KCNQ5: variants seen among roughly 807,000 people sequenced by gnomAD.
The protein encoded by KCNQ5 is potassium voltage-gated channel subfamily KQT member 5.
KCNQ5 carries 30 observed loss-of-function variants against 98.2 expected under a neutral mutation model. The observed-to-expected ratio is 0.31, with a 90% confidence interval of 0.23 to 0.41. The LOEUF (loss-of-function observed/expected upper bound fraction) is 0.41, where lower values mean the gene tolerates loss of function less well. Among genes scored for constraint, KCNQ5 ranks in the 10% least tolerant of loss-of-function variants. The pLI is 1.00. For synonymous variants in KCNQ5, 458 were observed against 449.4 expected (o/e 1.02, Z -0.24); for missense variants, 835 against 1,182.5 (o/e 0.71, Z 4.31).
At chr6:72,912,091 T>C (rs911493455) in intron 1 of KCNQ5, among the ~76,000 whole-genome samples, 1 of 152,160 alleles carries the variant, frequency 6.6e-6, no homozygotes, top group African/African-American at 2.4e-5. Context: ...AGCAAGCAGA[T>C]TCATACCTGA....
chr6:72,817,763 G>A (rs9442854), intron 1 of KCNQ5, among the ~76,000 whole-genome samples: 27,399 of 151,786 alleles, frequency 0.18, 4,848 homozygotes, highest in African/African-American at 0.46. Context: ...GCGTGGTGGC[G>A]CGTGCCTGTA....
At chr6:72,877,370 C>T (rs550538025) in intron 1 of KCNQ5, among the ~76,000 whole-genome samples, 3 of 152,262 alleles carry the variant, frequency 2.0e-5, no homozygotes, top group Admixed American at 2.0e-4. Flanking sequence ...CAGCTTCATC[C>T]ATGTCCCTGC....
chr6:72,755,917 C>A (rs1457704026), intron 1 of KCNQ5, among the ~76,000 whole-genome samples: 1 of 152,144 alleles, frequency 6.6e-6, no homozygotes, highest in Non-Finnish European at 1.5e-5. Flanking sequence ...TGTCCTCCAG[C>A]AGCAGGCAGT....
chr6:72,717,960 G>A (rs1163215587), intron 1 of KCNQ5, among the ~76,000 whole-genome samples: 8 of 152,036 alleles, frequency 5.3e-5, no homozygotes, highest in Non-Finnish European at 8.8e-5. Context: ...AGTCTTCCAC[G>A]GTATGACCTC....
At chr6:73,098,523 CGT>C (rs1774620063) in intron 5 of KCNQ5, among the ~76,000 whole-genome samples, 1 of 152,132 alleles carries the variant, frequency 6.6e-6, no homozygotes, top group African/African-American at 2.4e-5. Flanking sequence ...AAATAAATAA[CGT>C]GCAATGGAGC....
At chr6:72,830,337 T>G (rs1045560483) in intron 1 of KCNQ5, among the ~76,000 whole-genome samples, 1 of 152,142 alleles carries the variant, frequency 6.6e-6, no homozygotes, top group African/African-American at 2.4e-5. Flanking sequence ...CAAACTATAC[T>G]ACAAGGCTAC....
chr6:73,012,270 A>G (rs1043106428), intron 2 of KCNQ5, among the ~76,000 whole-genome samples: 1 of 152,106 alleles, frequency 6.6e-6, no homozygotes, highest in Non-Finnish European at 1.5e-5. Flanking sequence ...ACATACAAAA[A>G]AAGTATTCAC....
intron 1 of KCNQ5, among the ~76,000 whole-genome samples, chr6:72,859,622 C>A (rs1365514662): frequency 6.9e-6 from 1 of 145,910 alleles, no homozygotes; most frequent in African/African-American, 2.5e-5. Context: ...TGTCTGTCGC[C>A]CAGGCTGAAG....
chr6:73,086,154 C>T (rs1773981493), intron 5 of KCNQ5, among the ~76,000 whole-genome samples: 1 of 152,088 alleles, frequency 6.6e-6, no homozygotes, highest in Non-Finnish European at 1.5e-5. Context: ...CTCTCTCTGA[C>T]ATTGAATGAG....
At chr6:73,154,190 T>C (rs1055578436) in intron 10 of KCNQ5, among the ~76,000 whole-genome samples, 9 of 152,286 alleles carry the variant, frequency 5.9e-5, no homozygotes, top group African/African-American at 2.2e-4. Flanking sequence ...ATTGTTATTA[T>C]AGCATTATCT....
chr6:72,699,625 G>C (rs1051605800), intron 1 of KCNQ5, among the ~76,000 whole-genome samples: 4 of 152,022 alleles, frequency 2.6e-5, no homozygotes, highest in Non-Finnish European at 4.4e-5. Flanking sequence ...ACAAATGATG[G>C]CTCTGCTAAT....
chr6:72,981,270 T>C (rs536906536), intron 1 of KCNQ5, among the ~76,000 whole-genome samples: 29 of 152,348 alleles, frequency 1.9e-4, no homozygotes, highest in African/African-American at 6.7e-4. Context: ...AGAATTCAGC[T>C]GTGAATCCTT....
At chr6:72,858,266 C>T (rs1777612427) in intron 1 of KCNQ5, among the ~76,000 whole-genome samples, 1 of 152,002 alleles carries the variant, frequency 6.6e-6, no homozygotes, top group South Asian at 2.1e-4. Context: ...AAAATTGTTT[C>T]TATATTTCTA....
At chr6:73,105,111 C>G (rs1380394755) in intron 5 of KCNQ5, 146 bp from the exon 6 acceptor site, 5 of 496,560 alleles carry the variant, frequency 1.0e-5, no homozygotes, top group Non-Finnish European at 1.8e-5. Flanking sequence ...TGTCATGCGT[C>G]ATGGAAAATT....
Position 73,170,846 on chromosome 6 carries a change from C to A in KCNQ5, c.1577+992C>A, listed in dbSNP as rs932902498. Among the ~76,000 whole-genome samples, 13 of 152,120 alleles carry A rather than the reference C, an allele frequency of 8.5e-5. No homozygotes were observed. The South Asian group carries it at 2.7e-3, about 32-fold the overall frequency. On this transcript the variant is annotated intron_variant, in intron 11 of 13. Transcript: ENST00000370398. ...ATACTTGGGAGGCTGAGGCAGGAGACTCTCTTGAGCCCGGGAGATGGAGGT... is the reference window on the plus strand; with the variant it reads ...ATACTTGGGAGGCTGAGGCAGGAGAATCTCTTGAGCCCGGGAGATGGAGGT...
At chr6:72,860,565 A>C (rs988103557) in intron 1 of KCNQ5, among the ~76,000 whole-genome samples, 1 of 152,108 alleles carries the variant, frequency 6.6e-6, no homozygotes, top group African/African-American at 2.4e-5. Context: ...ACATACCAAA[A>C]AATTAGTCAG....
At chr6:72,873,378 G>A (rs9351951) in intron 1 of KCNQ5, among the ~76,000 whole-genome samples, 40,616 of 151,912 alleles carry the variant, frequency 0.27, 5,622 homozygotes, top group Non-Finnish European at 0.29. Context: ...TGCCCTTCCT[G>A]AAGTATACTA....
At chr6:72,679,396 A>G (rs577161738) in intron 1 of KCNQ5, among the ~76,000 whole-genome samples, 115 of 152,286 alleles carry the variant, frequency 7.6e-4, no homozygotes, top group African/African-American at 2.7e-3. Flanking sequence ...TACAGCCATA[A>G]AAAATGATGA....
chr6:72,828,241 G>A (rs952775045), intron 1 of KCNQ5, among the ~76,000 whole-genome samples: 3 of 151,988 alleles, frequency 2.0e-5, no homozygotes, highest in African/African-American at 7.2e-5. Context: ...CAAATTGTAA[G>A]TGTTTTTTTC....
Sources: gnomAD v4.1 joint callset for allele counts (sites outside exome capture counted in the v4.1 genomes callset) on GRCh38, gnomAD v4.1.1 for gene constraint, MANE v1.5 for transcripts, NCBI Gene and HGNC (gene_info 2026-07-23, HGNC 2026-07-21) for gene names.